TMEM163: variants seen among roughly 807,000 people sequenced by gnomAD.
The protein encoded by TMEM163 is transmembrane protein 163.
Under a neutral mutation model 29.3 loss-of-function variants are expected in TMEM163, and 17 were observed. The ratio of observed to expected loss-of-function variants is 0.58; its 90% CI spans 0.40 to 0.87. TMEM163 has a LOEUF of 0.87. Among genes scored for constraint, TMEM163 ranks in the 40% least tolerant of loss-of-function variants. TMEM163 has a pLI of 0.00. For missense variants in TMEM163, 303 were observed against 381.5 expected (o/e 0.79, Z 1.71); for synonymous variants, 157 against 160.6 (o/e 0.98, Z 0.17).
intron 2 of TMEM163, among the ~76,000 whole-genome samples, chr2:134,712,671 GT>G (rs1208861289): frequency 6.6e-6 from 1 of 152,122 alleles, no homozygotes; most frequent in African/African-American, 2.4e-5. Flanking sequence ...CACTTCCTTA[GT>G]TTTTCTTAAT....
intron 4 of TMEM163, among the ~76,000 whole-genome samples, chr2:134,549,113 A>C (rs1324840578): frequency 6.6e-6 from 1 of 152,058 alleles, no homozygotes; most frequent in Admixed American, 6.6e-5. Flanking sequence ...TAAAAAAAAA[A>C]AAAAACTAAT....
At chr2:134,680,461 C>CA (rs1342103100) in intron 2 of TMEM163, among the ~76,000 whole-genome samples, 6 of 151,968 alleles carry the variant, frequency 3.9e-5, no homozygotes, top group Non-Finnish European at 7.4e-5. Flanking sequence ...CAAAAACAAA[C>CA]AAAAAAACGA....
chr2:134,677,875 C>T (rs1684149717), intron 2 of TMEM163, among the ~76,000 whole-genome samples: 1 of 152,186 alleles, frequency 6.6e-6, no homozygotes. Flanking sequence ...TCATTGGATA[C>T]ATAGGACCGA....
chr2:134,610,701 T>G (rs1366824309), intron 2 of TMEM163, among the ~76,000 whole-genome samples: 1 of 152,152 alleles, frequency 6.6e-6, no homozygotes, highest in African/African-American at 2.4e-5. Context: ...ATGATACCCA[T>G]GCCTGGGTCT....
chr2:134,516,359 G>C (rs1222768775), intron 4 of TMEM163, among the ~76,000 whole-genome samples: 4 of 151,970 alleles, frequency 2.6e-5, no homozygotes, highest in African/African-American at 9.7e-5. Flanking sequence ...TCAGGAGTTT[G>C]AGACTAGCCT....
At chr2:134,637,004 C>T (rs1558972972) in intron 2 of TMEM163, among the ~76,000 whole-genome samples, 1 of 152,196 alleles carries the variant, frequency 6.6e-6, no homozygotes, top group Non-Finnish European at 1.5e-5. Context: ...AACTCTGATC[C>T]CTGAATGCTT....
intron 5 of TMEM163, among the ~76,000 whole-genome samples, chr2:134,490,063 A>G (rs1424187903): frequency 1.3e-5 from 2 of 152,228 alleles, no homozygotes; most frequent in Non-Finnish European, 2.9e-5. Flanking sequence ...TGCTTTGCTG[A>G]ACAGCGAGTC....
At chr2:134,553,346 C>T (rs768696964) in intron 2 of TMEM163, among the ~76,000 whole-genome samples, 1 of 152,198 alleles carries the variant, frequency 6.6e-6, no homozygotes, top group Non-Finnish European at 1.5e-5. Context: ...TGTGTTGTGC[C>T]TTGTGCCCTC....
At chr2:134,617,895 G>A (rs995099868) in intron 2 of TMEM163, among the ~76,000 whole-genome samples, 8 of 152,068 alleles carry the variant, frequency 5.3e-5, no homozygotes, top group Middle Eastern at 3.4e-3. Context: ...AGGGGGGCTT[G>A]AGCCTAGGAG....
At chr2:134,595,014 C>A (rs1384035380) in intron 2 of TMEM163, among the ~76,000 whole-genome samples, 2 of 151,938 alleles carry the variant, frequency 1.3e-5, no homozygotes, top group Non-Finnish European at 2.9e-5. Context: ...TATTTCCAGG[C>A]AGCTTGGTGC....
intron 2 of TMEM163, among the ~76,000 whole-genome samples, chr2:134,682,153 C>T (rs143697322): frequency 2.0e-5 from 3 of 152,314 alleles, no homozygotes; most frequent in East Asian, 3.9e-4. Flanking sequence ...TGGTACATGG[C>T]TACTGCTATT....
intron 2 of TMEM163, among the ~76,000 whole-genome samples, chr2:134,667,016 T>C (rs992431755): frequency 6.6e-6 from 1 of 152,148 alleles, no homozygotes; most frequent in Non-Finnish European, 1.5e-5. Flanking sequence ...TGAGCCCCAC[T>C]AGAAAAATCT....
intron 2 of TMEM163, among the ~76,000 whole-genome samples, chr2:134,674,060 T>C (rs891963888): frequency 2.6e-5 from 4 of 152,200 alleles, no homozygotes; most frequent in African/African-American, 9.6e-5. Flanking sequence ...ATATGTACAA[T>C]GAAGTACCTC....
rs745778249 is a variant in TMEM163 at position 134,502,995 on chromosome 2, G to A, written c.461C>T (p.Ala154Val). 1 of 1,612,652 alleles carries A rather than the reference G, an allele frequency of 6.2e-7. No individual in the cohort carries two copies. Among genetic ancestry groups the A allele is most frequent in the Admixed American group, 1.7e-5 (1 of 59,858 alleles). Residue 154 changes from alanine (A) to valine (V), a missense_variant and splice_region_variant, in exon 5 of 8, where the codon GCC (alanine) becomes GTC (valine). This residue lies in a region of TMEM163 where 203 missense variants were observed against 294.3 expected (regional missense o/e 0.69). Coordinates refer to ENST00000281924, the MANE Select transcript of TMEM163 (RefSeq NM_030923.5). ...AVHSAHREYI[A>V]CVILGVIFLL... ...GAATATCACCCCCAAGATGACACAG[G>A]CTCTGCAAAAAACAAAACATTGAGA...
chr2:134,622,475 C>T (rs921875648), intron 2 of TMEM163, among the ~76,000 whole-genome samples: 4 of 152,122 alleles, frequency 2.6e-5, no homozygotes, highest in Non-Finnish European at 5.9e-5. Flanking sequence ...TAACATATTG[C>T]GGTGAAACTG....
In TMEM163 at chr2:134,518,201, T is replaced by A. The variant is rs1459134420; in HGVS notation, c.459-15204A>T. ...CCAATACACCAGAGCCTCACTATAT[T>A]GGGAAAAGCACATTAATGATTCATC... On this transcript the variant is annotated intron_variant, in intron 4 of 7. Transcript: ENST00000281924. 1.3e-5 allele frequency among the ~76,000 whole-genome samples: 2 copies of A among 152,234 alleles called. 1 individual carries two copies. The highest frequency in any genetic ancestry group is 1.3e-4 in the Admixed American group (2 of 15,282).
intron 1 of TMEM163, among the ~76,000 whole-genome samples, chr2:134,717,989 C>A (rs1685070900): frequency 1.3e-5 from 2 of 152,196 alleles, no homozygotes; most frequent in South Asian, 4.1e-4. Context: ...GTGTGCTGAC[C>A]TCCAGGCCAG....
intron 2 of TMEM163, among the ~76,000 whole-genome samples, chr2:134,622,798 T>A (rs1682768463): frequency 6.6e-6 from 1 of 152,176 alleles, no homozygotes; most frequent in Non-Finnish European, 1.5e-5. Context: ...GTTTTGCTCT[T>A]GTTGCCCAGA....
At chr2:134,480,082 G>A (rs529326505) in intron 5 of TMEM163, among the ~76,000 whole-genome samples, 26 of 152,308 alleles carry the variant, frequency 1.7e-4, no homozygotes, top group Admixed American at 4.6e-4. Flanking sequence ...GTAGATAAGT[G>A]TGCCCATGAC....
Sources: gnomAD v4.1 joint callset for allele counts (sites outside exome capture counted in the v4.1 genomes callset) on GRCh38, gnomAD v4.1.1 for gene constraint, gnomAD v4.1.1 regional missense constraint, MANE v1.5 for transcripts, NCBI Gene and HGNC (gene_info 2026-07-23, HGNC 2026-07-21) for gene names.